Variants in USP7 observed in about 807,000 individuals in gnomAD.
USP7 encodes ubiquitin C-terminal hydrolase 7.
A neutral mutation model predicts 162.9 loss-of-function variants in USP7; 9 were observed. The observed-to-expected ratio is 0.06, with a 90% confidence interval of 0.03 to 0.10. USP7 has a LOEUF of 0.10. Ranked by LOEUF, USP7 falls within the 10% of genes least tolerant of loss-of-function variation. USP7 has a pLI of 1.00. For missense variants in USP7, 715 were observed against 1,373.7 expected, an observed-to-expected ratio of 0.52 and a Z score of 7.58; for synonymous variants, 562 against 475.9, an observed-to-expected ratio of 1.18 and a Z score of -2.35.
At position 8,908,327 on chromosome 16, in the gene USP7, C is replaced by G. The variant is rs761105770; in HGVS notation, c.1271+14G>C. The G allele has an allele frequency of 6.3e-7, 1 of 1,595,236 alleles. No individual in the cohort carries two copies. The highest frequency in any genetic ancestry group is 1.1e-5 in the South Asian group (1 of 90,674). Reference sequence around the variant, plus strand: ...GATGATGAAATCTTAACTTTATATCCCACTATAGATTACCTATCATTGATC... The same window carrying G: ...GATGATGAAATCTTAACTTTATATCGCACTATAGATTACCTATCATTGATC... On this transcript the variant is annotated intron_variant, in intron 12 of 30. Coordinates refer to ENST00000344836, the MANE Select transcript of USP7 (RefSeq NM_003470.3).
chr16:8,961,504 A>G (rs200102977), intron 1 of USP7, among the ~76,000 whole-genome samples: 12,182 of 60,264 alleles, frequency 0.2, 1,161 homozygotes, highest in African/African-American at 0.3. Context: ...AAAAAAAAAA[A>G]GGGGGGGGGG....
chr16:8,926,380 G>A (rs973688747), intron 2 of USP7, among the ~76,000 whole-genome samples: 2 of 152,214 alleles, frequency 1.3e-5, no homozygotes, highest in South Asian at 2.1e-4. Context: ...TTGGGAGGTC[G>A]AGGCAGGAGA....
rs552703161 is a variant in USP7, at chr16:8,926,027, G to A, written c.185-2614C>T. Among the ~76,000 whole-genome samples the A allele has an allele frequency of 3.3e-5, 5 of 152,140 alleles. No homozygotes were observed. The East Asian group carries it at 5.8e-4, about 18-fold the overall frequency. ...AAATTAGCCGGGTGCAGAGGCTGGC[G>A]CCTGTAGTCCCAGCTACTAGGGAGG... is the stretch of plus-strand genomic sequence containing the variant. On this transcript the variant is annotated intron_variant, in intron 2 of 30. Coordinates refer to ENST00000344836, the MANE Select transcript of USP7 (RefSeq NM_003470.3).
rs1411192002 is a variant in USP7 at position 8,963,745 on chromosome 16, T to TGGGGCCGGCGGGAGCGGC, written c.-478_-461dup. On this transcript the variant is annotated 5_prime_UTR_variant, in exon 1 of 31. Coordinates refer to ENST00000344836, the MANE Select transcript of USP7 (RefSeq NM_003470.3). ...CCGGCCGCGGCGGGCCTGCGGGCCC[T>TGGGGCCGGCGGGAGCGGC]GGGGCCGGCGGGAGCGGCGGAGCGG... Among the ~76,000 whole-genome samples the TGGGGCCGGCGGGAGCGGC allele has an allele frequency of 7.1e-6, 1 of 140,218 alleles. No individual in the cohort carries two copies. The highest frequency in any genetic ancestry group is 2.6e-5 in the African/African-American group (1 of 38,840). 92.0% of individuals were successfully genotyped at this position (140,218 alleles called of 152,430 possible).
intron 1 of USP7, among the ~76,000 whole-genome samples, chr16:8,939,264 C>G (rs532954868): frequency 2.6e-5 from 4 of 152,232 alleles, no homozygotes; most frequent in African/African-American, 4.8e-5. Flanking sequence ...CCCACCCCGG[C>G]GTGCGTGCTC....
chr16:8,896,436 G>T (rs2061682664), intron 26 of USP7, among the ~76,000 whole-genome samples: 1 of 152,012 alleles, frequency 6.6e-6, no homozygotes, highest in Non-Finnish European at 1.5e-5. Context: ...AGAAAGTTTG[G>T]GAACCAAATG....
intron 25 of USP7, among the ~76,000 whole-genome samples, chr16:8,897,930 C>G (rs917565738): frequency 2.7e-5 from 4 of 150,760 alleles, no homozygotes; most frequent in African/African-American, 9.8e-5. Flanking sequence ...TGGCTGGATG[C>G]GTCTTCTGTT....
chr16:8,900,848 A>G (rs2061762740), intron 20 of USP7, 142 bp downstream of exon 20: 3 of 865,790 alleles, frequency 3.5e-6, no homozygotes, highest in African/African-American at 1.7e-5. Context: ...ACAAATCTAA[A>G]TATGTCATTC....
At chr16:8,919,722 G>A (rs1289647825) in intron 5 of USP7, among the ~76,000 whole-genome samples, 1 of 149,436 alleles carries the variant, frequency 6.7e-6, no homozygotes, top group Non-Finnish European at 1.5e-5. Flanking sequence ...AGAGAACGGT[G>A]CCAGAAAGCA....
At chr16:8,944,261 G>A (rs1460722057) in intron 1 of USP7, among the ~76,000 whole-genome samples, 1 of 151,452 alleles carries the variant, frequency 6.6e-6, no homozygotes, top group Admixed American at 6.6e-5. Flanking sequence ...CCAAAATACT[G>A]GCTGAGGCTT....
chr16:8,940,170 G>C (rs762870462), intron 1 of USP7, among the ~76,000 whole-genome samples: 3 of 152,072 alleles, frequency 2.0e-5, no homozygotes, highest in Non-Finnish European at 4.4e-5. Context: ...CTCACAAACA[G>C]CTCTGTCCTG....
intron 3 of USP7, among the ~76,000 whole-genome samples, chr16:8,921,658 G>A (rs138991949): frequency 2.0e-5 from 3 of 152,108 alleles, no homozygotes; most frequent in African/African-American, 2.4e-5. Context: ...CATGCCTCTC[G>A]AGCTCTCCTA....
rs561211066 is a variant in USP7, at chr16:8,955,572, G to A, written c.79+7635C>T. Among the ~76,000 whole-genome samples, 12 of 152,160 alleles carry A rather than the reference G, an allele frequency of 7.9e-5. No individual in the cohort carries two copies. The East Asian group carries it at 1.4e-3, about 17-fold the overall frequency. ...ATACAAAAAATTAGCCGGGCATGGCGGCGCGCCCCTGTAGTCCTGGCTACT... is the reference window on the plus strand; with the variant it reads ...ATACAAAAAATTAGCCGGGCATGGCAGCGCGCCCCTGTAGTCCTGGCTACT... On this transcript the variant is annotated intron_variant, in intron 1 of 30. Coordinates refer to ENST00000344836, the MANE Select transcript of USP7 (RefSeq NM_003470.3).
intron 1 of USP7, among the ~76,000 whole-genome samples, chr16:8,939,955 A>G (rs8060619): frequency 0.99 from 150,432 of 152,294 alleles, 74,321 homozygotes; most frequent in East Asian, 1. Flanking sequence ...AAAATTAGCC[A>G]AGCATGGTGG....
chr16:8,950,249 C>A (rs1567246068), intron 1 of USP7, among the ~76,000 whole-genome samples: 1 of 152,146 alleles, frequency 6.6e-6, no homozygotes, highest in Non-Finnish European at 1.5e-5. Context: ...AATGTTATCA[C>A]TCAGAGCCTT....
chr16:8,932,347 C>T (rs1436842498), intron 1 of USP7, among the ~76,000 whole-genome samples: 1 of 152,172 alleles, frequency 6.6e-6, no homozygotes, highest in African/African-American at 2.4e-5. Flanking sequence ...GGGAGAACTG[C>T]TTGAGCCCAG....
rs771144050 is a variant in USP7 at position 8,898,686 on chromosome 16, A to T, written c.2532-47T>A. The T allele has an allele frequency of 1.2e-5, 17 of 1,445,876 alleles. No homozygotes were observed. In the South Asian group the frequency reaches 2.2e-4, roughly 19 times the overall value. 89.6% of individuals were successfully genotyped at this position (1,445,876 alleles called of 1,614,324 possible). ...AAATAAATGACTTGTTTATTTGCCT[A>T]AAAACAAATATCTGTGAGTGAGCAT... On this transcript the variant is annotated intron_variant, in intron 23 of 30. Transcript: ENST00000344836.
intron 3 of USP7, among the ~76,000 whole-genome samples, chr16:8,922,798 G>T (rs1567226736): frequency 6.6e-6 from 1 of 152,128 alleles, no homozygotes; most frequent in Non-Finnish European, 1.5e-5. Context: ...CAAGTCAGAG[G>T]GCCATGTTGT....
intron 21 of USP7, chr16:8,900,172 A>G (rs1045923945): frequency 1.2e-5 from 4 of 335,592 alleles, no homozygotes; most frequent in Admixed American, 4.7e-5. Context: ...CTAAGACCAA[A>G]GACTGGCTGG....
Sources: allele counts gnomAD v4.1 joint callset (sites outside exome capture counted in the v4.1 genomes callset), GRCh38; gene constraint gnomAD v4.1.1; transcripts MANE v1.5; gene names NCBI Gene and HGNC (gene_info 2026-07-23, HGNC 2026-07-21).